The following OR9Q1 variants were observed in gnomAD, a reference collection of about 807,000 sequenced individuals.
OR9Q1 encodes olfactory receptor 9Q1.
For missense variants in OR9Q1, 374 were observed against 378.8 expected (o/e 0.99, Z 0.11); for synonymous variants, 153 against 148.6 (o/e 1.03, Z -0.22).
intron 2 of OR9Q1, among the ~76,000 whole-genome samples, chr11:58,085,459 A>G (rs922839908): frequency 5.3e-5 from 8 of 151,796 alleles, no homozygotes; most frequent in South Asian, 2.1e-4. Context: ...ATCCAATATC[A>G]TATTTTAAGT....
intron 2 of OR9Q1, among the ~76,000 whole-genome samples, chr11:58,125,776 T>C (rs1182547144): frequency 6.6e-6 from 1 of 152,036 alleles, no homozygotes; most frequent in African/African-American, 2.4e-5. Context: ...TAAAAACAAA[T>C]CTTATGGGAG....
intron 2 of OR9Q1, chr11:58,108,863 A>T (rs957017171): frequency 2.0e-5 from 7 of 355,144 alleles, no homozygotes; most frequent in African/African-American, 1.5e-4. Flanking sequence ...TCCTCTGAGG[A>T]TTTGGCGGAG....
At position 58,059,477 on chromosome 11, in the gene OR9Q1, A is replaced by G. The variant is rs1249079848; in HGVS notation, c.-15+3530A>G. 5.3e-5 allele frequency among the ~76,000 whole-genome samples: 8 copies of G among 152,028 alleles called. No homozygotes were observed. The East Asian group carries it at 7.7e-4, about 15-fold the overall frequency. ...TTGGGAGGCTGAGGCGGGCAGATCA[A>G]TTGAGGTCAGGAGTTCGAGACCAGC... is the stretch of plus-strand genomic sequence containing the variant. On this transcript the variant is annotated intron_variant, in intron 2 of 2. Transcript: ENST00000335397.
chr11:58,119,567 G>T, intron 2 of OR9Q1: 1 of 654,822 alleles, frequency 1.5e-6, no homozygotes, highest in Non-Finnish European at 2.5e-6. Context: ...TATTTGTAGA[G>T]TTTGTTTTTA....
In OR9Q1 at chr11:58,173,340, T is replaced by G. The variant is rs1231273874; in HGVS notation, c.-14-6091T>G. ...TGTGATGTTCCCCTTCCTGTGTCCATGTGTTCTCGTTGTTCAATTCCCACC... is the reference window on the plus strand; with the variant it reads ...TGTGATGTTCCCCTTCCTGTGTCCAGGTGTTCTCGTTGTTCAATTCCCACC... On this transcript the variant is annotated intron_variant, in intron 2 of 2. Transcript: ENST00000335397. Among the ~76,000 whole-genome samples, 4 of 134,042 alleles carry G rather than the reference T, an allele frequency of 3.0e-5. No individual in the cohort carries two copies. The East Asian group carries it at 9.0e-4, about 30-fold the overall frequency. 87.9% of individuals were successfully genotyped at this position (134,042 alleles called of 152,430 possible).
chr11:58,056,710 T>A (rs893670723), intron 2 of OR9Q1, among the ~76,000 whole-genome samples: 17 of 152,140 alleles, frequency 1.1e-4, no homozygotes, highest in African/African-American at 3.6e-4. Context: ...ACTGAGAAAA[T>A]TTTTGACCCC....
At chr11:58,119,250 G>C in intron 2 of OR9Q1, 1 of 1,614,032 alleles carries the variant, frequency 6.2e-7, no homozygotes, top group Non-Finnish European at 8.5e-7. Flanking sequence ...GCAGGGAGAG[G>C]TGGCTCAGGA....
intron 2 of OR9Q1, among the ~76,000 whole-genome samples, chr11:58,115,002 G>A (rs978602494): frequency 1.3e-5 from 2 of 152,096 alleles, no homozygotes; most frequent in African/African-American, 2.4e-5. Context: ...TTACCTGTCC[G>A]TACTATTCTG....
rs185587406 is a variant in OR9Q1, at chr11:58,111,606, C to G, written c.-15+55659C>G. Reference sequence around the variant, plus strand: ...GGAGTGGCCAGTACATAAATTAGAACGTTGAAGGTATGTAGCCATCCTACA... The same window carrying G: ...GGAGTGGCCAGTACATAAATTAGAAGGTTGAAGGTATGTAGCCATCCTACA... On this transcript the variant is annotated intron_variant, in intron 2 of 2. Coordinates refer to ENST00000335397, the MANE Select transcript of OR9Q1 (RefSeq NM_001005212.4). Among the ~76,000 whole-genome samples, 468 of 152,140 alleles carry G rather than the reference C, an allele frequency of 3.1e-3. 5 individuals carry two copies. The highest frequency in any genetic ancestry group is 0.011 in the African/African-American group (442 of 41,502).
At chr11:58,050,313 T>A (rs28853110) in intron 1 of OR9Q1, among the ~76,000 whole-genome samples, 38,089 of 142,332 alleles carry the variant, frequency 0.27, 5,555 homozygotes, top group East Asian at 0.61. Flanking sequence ...AACTATCTGA[T>A]CTTTGACAAA....
chr11:58,145,696 C>A (rs187813125), intron 2 of OR9Q1, among the ~76,000 whole-genome samples: 1 of 152,268 alleles, frequency 6.6e-6, no homozygotes, highest in Non-Finnish European at 1.5e-5. Flanking sequence ...TCCCAAAAGG[C>A]TTTGTAAATA....
At chr11:58,169,789 C>T (rs149789892) in intron 2 of OR9Q1, among the ~76,000 whole-genome samples, 9 of 152,154 alleles carry the variant, frequency 5.9e-5, no homozygotes, top group Admixed American at 3.3e-4. Context: ...CAGGACGGGA[C>T]ATTTAGTATA....
rs145820418 is a variant in OR9Q1, at chr11:58,119,277, G to A, written c.-14-60154G>A. On this transcript the variant is annotated intron_variant, in intron 2 of 2. Coordinates refer to ENST00000335397, the MANE Select transcript of OR9Q1 (RefSeq NM_001005212.4). ...GGCTCAGGAAGAAGTACATTGGGGT[G>A]TAGAGTTTGACATCTACTTGGATTA... 6.9e-5 allele frequency: 112 copies of A among 1,614,030 alleles called. No homozygotes were observed. In the African/African-American group the frequency reaches 1.3e-3, roughly 18 times the overall value.
At chr11:58,093,759 C>CAAAAAAAAAAAAA (rs71061572) in intron 2 of OR9Q1, among the ~76,000 whole-genome samples, 9 of 35,544 alleles carry the variant, frequency 2.5e-4, no homozygotes, top group Non-Finnish European at 3.4e-4. Context: ...GACTTCATCT[C>CAAAAAAAAAAAAA]AAAAAAAAAA....
At chr11:58,112,257 C>T (rs2513709) in intron 2 of OR9Q1, among the ~76,000 whole-genome samples, 21,035 of 151,640 alleles carry the variant, frequency 0.14, 2,296 homozygotes, top group African/African-American at 0.27. Context: ...CACACCACTG[C>T]CCTCTAGCCT....
intron 2 of OR9Q1, among the ~76,000 whole-genome samples, chr11:58,089,984 G>C (rs976206818): frequency 6.6e-6 from 1 of 151,984 alleles, no homozygotes; most frequent in Non-Finnish European, 1.5e-5. Context: ...TGTGATTTTT[G>C]CACATTGATT....
intron 2 of OR9Q1, among the ~76,000 whole-genome samples, chr11:58,095,348 C>T (rs1364869008): frequency 6.6e-6 from 1 of 152,244 alleles, no homozygotes; most frequent in African/African-American, 2.4e-5. Flanking sequence ...CCACCCTAGA[C>T]CACAGAAATT....
intron 1 of OR9Q1, among the ~76,000 whole-genome samples, chr11:58,039,955 TG>T (rs1475007501): frequency 6.6e-6 from 1 of 152,238 alleles, no homozygotes; most frequent in Non-Finnish European, 1.5e-5. Flanking sequence ...CTTTCCTAAA[TG>T]TTTTACTAAA....
chr11:58,043,133 G>A (rs1037686290), intron 1 of OR9Q1, among the ~76,000 whole-genome samples: 25 of 151,992 alleles, frequency 1.6e-4, no homozygotes, highest in Non-Finnish European at 3.2e-4. Flanking sequence ...GGATATATTT[G>A]TAGGGTCCTA....
Sources: gnomAD v4.1 joint callset for allele counts (sites outside exome capture counted in the v4.1 genomes callset) on GRCh38, gnomAD v4.1.1 for gene constraint, MANE v1.5 for transcripts, NCBI Gene and HGNC (gene_info 2026-07-23, HGNC 2026-07-21) for gene names.